PTPRK: variants seen among roughly 807,000 people sequenced by gnomAD.
PTPRK encodes the protein protein tyrosine phosphatase receptor type K, also known as receptor-type tyrosine-protein phosphatase kappa.
In PTPRK, 75 loss-of-function variants were observed where a neutral mutation model predicts 178.0. The observed-to-expected ratio is 0.42, with a 90% CI of 0.35 to 0.51. The LOEUF (loss-of-function observed/expected upper bound fraction) is 0.51. PTPRK is among the 20% of genes least tolerant of loss of function. The pLI is 0.02. For missense variants in PTPRK, 1,441 were observed against 1,797.8 expected (o/e 0.80, Z 3.59); for synonymous variants, 637 against 620.6 (o/e 1.03, Z -0.39).
At chr6:128,066,629 A>C (rs1036984765) in intron 12 of PTPRK, among the ~76,000 whole-genome samples, 2 of 152,110 alleles carry the variant, frequency 1.3e-5, no homozygotes, top group African/African-American at 4.8e-5. Context: ...TTAAAATGTC[A>C]TCATTCTATT....
intron 6 of PTPRK, among the ~76,000 whole-genome samples, chr6:128,206,705 T>G (rs1278690656): frequency 6.6e-6 from 1 of 152,178 alleles, no homozygotes; most frequent in Non-Finnish European, 1.5e-5. Context: ...AGGTCACTGA[T>G]GTATTGCCAA....
chr6:128,389,594 G>C (rs1022760599), intron 2 of PTPRK, among the ~76,000 whole-genome samples: 2 of 151,888 alleles, frequency 1.3e-5, no homozygotes, highest in Non-Finnish European at 2.9e-5. Context: ...CCAGGGAAAA[G>C]AAATTTTGAG....
Position 128,016,676 on chromosome 6 carries a change from T to C in PTPRK, c.2195-7408A>G, listed in dbSNP as rs1329639346. ...TCAAATATATCAATCTTTTTTTTTA[T>C]GGTTAGGGCCTATTGTTTAAGAAGC... On this transcript the variant is annotated intron_variant, in intron 13 of 29. Coordinates refer to ENST00000368226, the MANE Select transcript of PTPRK (RefSeq NM_002844.4). 6.6e-5 allele frequency among the ~76,000 whole-genome samples: 10 copies of C among 151,632 alleles called. No homozygotes were observed. The Admixed American group carries it at 6.6e-4, about 10-fold the overall frequency.
intron 17 of PTPRK, among the ~76,000 whole-genome samples, 185 bp downstream of exon 17, chr6:127,996,716 C>CT (rs543829743): frequency 3.3e-4 from 51 of 152,290 alleles, no homozygotes; most frequent in Middle Eastern, 3.4e-3. Context: ...GGTGATCCAC[C>CT]TGCCTTGGCC....
At chr6:128,022,157 G>C (rs899025341) in intron 13 of PTPRK, among the ~76,000 whole-genome samples, 1 of 152,134 alleles carries the variant, frequency 6.6e-6, no homozygotes, top group Non-Finnish European at 1.5e-5. Flanking sequence ...GCTTTTGCTT[G>C]CTATTTGAAA....
At chr6:128,473,864 A>T (rs982042982) in intron 1 of PTPRK, among the ~76,000 whole-genome samples, 2 of 152,066 alleles carry the variant, frequency 1.3e-5, no homozygotes, top group South Asian at 2.1e-4. Context: ...TAGAATGAGC[A>T]TCCATTTCTA....
At chr6:127,971,158 T>C (rs1773857758) in intron 29 of PTPRK, among the ~76,000 whole-genome samples, 1 of 152,182 alleles carries the variant, frequency 6.6e-6, no homozygotes. Flanking sequence ...GGCAATAAAA[T>C]TTTTGAGTTA....
chr6:127,981,015 T>C (rs570302003), intron 25 of PTPRK, 101 bp downstream of exon 25: 27 of 1,172,126 alleles, frequency 2.3e-5, no homozygotes, highest in Non-Finnish European at 3.1e-5. Flanking sequence ...TTTTCCTTTT[T>C]AGGTTATTTT....
intron 3 of PTPRK, among the ~76,000 whole-genome samples, chr6:128,256,530 T>A (rs773503674): frequency 1.1e-4 from 17 of 150,760 alleles, no homozygotes; most frequent in Non-Finnish European, 1.0e-4. Context: ...AACCTCCAAC[T>A]CCCGGGTTCA....
At chr6:127,997,634 C>T (rs1169581061) in intron 16 of PTPRK, among the ~76,000 whole-genome samples, 1 of 152,036 alleles carries the variant, frequency 6.6e-6, no homozygotes, top group Non-Finnish European at 1.5e-5. Flanking sequence ...TTGCTCAACA[C>T]AGGAAACGGG....
At chr6:128,170,771 A>G (rs1387948819) in intron 7 of PTPRK, among the ~76,000 whole-genome samples, 1 of 152,074 alleles carries the variant, frequency 6.6e-6, no homozygotes, top group Admixed American at 6.6e-5. Flanking sequence ...AAAATTTATC[A>G]CTAAAATAAT....
At chr6:128,421,408 G>A (rs1843463627) in intron 1 of PTPRK, among the ~76,000 whole-genome samples, 1 of 152,148 alleles carries the variant, frequency 6.6e-6, no homozygotes, top group Non-Finnish European at 1.5e-5. Context: ...ATATTAGTCA[G>A]TCTCTTTTCC....
chr6:128,335,023 G>C (rs2128327671), intron 2 of PTPRK, among the ~76,000 whole-genome samples: 1 of 152,332 alleles, frequency 6.6e-6, no homozygotes, highest in South Asian at 2.1e-4. Flanking sequence ...AGGAGGCGAA[G>C]TTTGCACTGA....
At chr6:128,287,836 T>C (rs761918472) in intron 3 of PTPRK, among the ~76,000 whole-genome samples, 7 of 152,186 alleles carry the variant, frequency 4.6e-5, no homozygotes, top group Non-Finnish European at 8.8e-5. Context: ...AACATCCCCT[T>C]TCTATTTACT....
intron 3 of PTPRK, among the ~76,000 whole-genome samples, chr6:128,309,281 A>C (rs1826894312): frequency 6.6e-6 from 1 of 152,080 alleles, no homozygotes; most frequent in Admixed American, 6.6e-5. Context: ...CAAGGACAAA[A>C]TCTTTTCCTA....
At chr6:128,366,792 G>C (rs1835559463) in intron 2 of PTPRK, among the ~76,000 whole-genome samples, 1 of 152,104 alleles carries the variant, frequency 6.6e-6, no homozygotes, top group African/African-American at 2.4e-5. Context: ...ACATAAAAGA[G>C]AGTGAATTAA....
At chr6:128,159,208 G>T (rs1434641222) in intron 7 of PTPRK, among the ~76,000 whole-genome samples, 1 of 151,674 alleles carries the variant, frequency 6.6e-6, no homozygotes, top group Admixed American at 6.6e-5. Context: ...CAGAAAAAAA[G>T]AAATTCTGAA....
At chr6:128,172,763 A>G (rs1800481158) in intron 7 of PTPRK, among the ~76,000 whole-genome samples, 1 of 151,626 alleles carries the variant, frequency 6.6e-6, no homozygotes, top group South Asian at 2.1e-4. Flanking sequence ...AGTGTGTAAC[A>G]TGTACATATG....
chr6:128,336,324 T>C (rs1194188368), intron 2 of PTPRK, among the ~76,000 whole-genome samples: 1 of 152,150 alleles, frequency 6.6e-6, no homozygotes, highest in Non-Finnish European at 1.5e-5. Flanking sequence ...AGAGTTTTAG[T>C]TCCCACACTA....
Sources: gnomAD v4.1 joint callset for allele counts (sites outside exome capture counted in the v4.1 genomes callset) on GRCh38, gnomAD v4.1.1 for gene constraint, MANE v1.5 for transcripts, NCBI Gene and HGNC (gene_info 2026-07-23, HGNC 2026-07-21) for gene names.